Variants in STARD9 observed in about 807,000 individuals in gnomAD.
STARD9 encodes StAR related lipid transfer domain containing 9.
A neutral mutation model predicts 399.8 loss-of-function variants in STARD9; 346 were observed. The ratio of observed to expected loss-of-function variants is 0.87; its 90% CI spans 0.79 to 0.95. The LOEUF is 0.95. STARD9 is among the 40% of genes least tolerant of loss of function. STARD9 has a pLI of 0.00. For synonymous variants in STARD9, 2,203 were observed against 2,143.5 expected, an observed-to-expected ratio of 1.03 and a Z score of -0.77; for missense variants, 5,832 against 5,667.5, an observed-to-expected ratio of 1.03 and a Z score of -0.93.
intron 3 of STARD9, among the ~76,000 whole-genome samples, chr15:42,630,924 G>T (rs2059320256): frequency 6.8e-6 from 1 of 146,276 alleles, no homozygotes; most frequent in Admixed American, 6.8e-5. Context: ...ATTTATTTCT[G>T]CTCTAAGTTT....
At chr15:42,577,418 G>A (rs756126576) in intron 1 of STARD9, among the ~76,000 whole-genome samples, 39 of 152,204 alleles carry the variant, frequency 2.6e-4, no homozygotes, top group Non-Finnish European at 4.7e-4. Context: ...CTCCCAAAGT[G>A]CTAGGATTAG....
chr15:42,708,444 C>A (rs750928745), intron 26 of STARD9, among the ~76,000 whole-genome samples: 1 of 152,220 alleles, frequency 6.6e-6, no homozygotes, highest in Non-Finnish European at 1.5e-5. Context: ...TGCAGCTACT[C>A]AAATGGCCCA....
At chr15:42,600,854 TTTTC>T (rs1293909346) in intron 3 of STARD9, among the ~76,000 whole-genome samples, 17 of 150,208 alleles carry the variant, frequency 1.1e-4, no homozygotes, top group African/African-American at 4.2e-4. Context: ...ATATATCTGT[TTTTC>T]TTTCTTTTTT....
In STARD9 at chr15:42,691,841, C is replaced by A; in HGVS notation, c.10263C>A (p.Phe3421Leu). The A allele has an allele frequency of 5.9e-6, 9 of 1,537,310 alleles. No homozygotes were observed. Among genetic ancestry groups the A allele is most frequent in the Non-Finnish European group, 7.8e-6 (9 of 1,146,910 alleles). The change falls in exon 23 of 33, where the codon TTC becomes TTA. Residue 3421 changes from phenylalanine to leucine, a missense_variant. Physicochemically the swap from Phe to Leu is conservative, Grantham distance 22. Around this residue, in one of 2 missense-constraint regions of STARD9, gnomAD observed 5,828 missense variants for 5,651.1 expected, o/e 1.03. Coordinates refer to ENST00000290607, the MANE Select transcript of STARD9 (RefSeq NM_020759.3). ...TCTCACACATGCCAACCCCTGATTT[C>A]ACGACCAGCTGGATGTCTGGTACTT... is the stretch of plus-strand genomic sequence containing the variant. ...STLSHMPTPD[F>L]TTSWMSGTLE...
Position 42,588,776 on chromosome 15 carries a change from G to GTTTTTTTTT in STARD9, c.234+3170_234+3178dup, listed in dbSNP as rs758570571. ...TAACCCAGTTTATCCTCTTCACAGC[G>GTTTTTTTTT]TTTTTTTTTTTTTTTTTTTTTTTTT... On this transcript the variant is annotated intron_variant, in intron 3 of 32. Transcript: ENST00000290607. 1.0e-4 allele frequency among the ~76,000 whole-genome samples: 4 copies of GTTTTTTTTT among 38,414 alleles called. 1 individual carries two copies. Among genetic ancestry groups the GTTTTTTTTT allele is most frequent in the East Asian group, 2.1e-3 (2 of 972 alleles). The allele number at this position is 38,414 out of a possible 152,430, so 25.2% of individuals were successfully genotyped here. A position where few individuals can be genotyped will look rare whatever the true frequency, so the allele number is the denominator to read the frequency against.
intron 3 of STARD9, among the ~76,000 whole-genome samples, chr15:42,589,419 A>T (rs1402702865): frequency 1.3e-5 from 2 of 152,084 alleles, no homozygotes; most frequent in Non-Finnish European, 2.9e-5. Flanking sequence ...AATATACAAA[A>T]TAGTCTATCA....
Position 42,688,333 on chromosome 15 carries a change from T to C in STARD9, c.6755T>C (p.Phe2252Ser). 6.5e-7 allele frequency: 1 copy of C among 1,537,360 alleles called. No homozygotes were observed. The highest frequency in any genetic ancestry group is 8.7e-7 in the Non-Finnish European group (1 of 1,146,948). The change falls in exon 23 of 33, where the codon TTT (phenylalanine) becomes TCT (serine). Residue 2252 changes from phenylalanine to serine, a missense_variant. Phe to Ser is a radical substitution (Grantham distance 155). Around this residue, in one of 2 missense-constraint regions of STARD9, gnomAD observed 5,828 missense variants for 5,651.1 expected, o/e 1.03. Transcript: ENST00000290607. ...SLEELETVKG[F>S]QESQVAEHVS... ...GAGGAATTGGAGACTGTGAAAGGTT[T>C]TCAGGAAAGCCAAGTAGCTGAACAC...
Position 42,692,498 on chromosome 15 carries a change from G to A in STARD9, c.10920G>A (p.Gln3640=). The A allele has an allele frequency of 1.3e-6, 2 of 1,537,168 alleles. No individual in the cohort carries two copies. Among genetic ancestry groups the A allele is most frequent in the Non-Finnish European group, 8.7e-7 (1 of 1,146,904 alleles). ...VGQTRTNTFE[Q]GTQTLGSRRH... ...AGACCAGGACGAACACATTCGAACA[G>A]GGCACACAGACCCTCGGCAGCAGGC... Residue 3640 remains glutamine (Q), a synonymous_variant, in exon 23 of 33, where the codon CAG becomes CAA. Coordinates refer to ENST00000290607, the MANE Select transcript of STARD9 (RefSeq NM_020759.3).
rs1325710609 is a variant in STARD9, at chr15:42,681,497, T to TCAG, written c.1960_1962dup (p.Gln654dup). On this transcript the variant is annotated inframe_insertion, in exon 21 of 33. Coordinates refer to ENST00000290607, the MANE Select transcript of STARD9 (RefSeq NM_020759.3). ...GAGAGACATCCCACAGGGCCCAGATTCAGCAGCAGCAGAGCTACGTAGAGG... is the reference window on the plus strand; with the variant it reads ...GAGAGACATCCCACAGGGCCCAGATTCAGCAGCAGCAGCAGAGCTACGTAGAGG... 1.3e-6 allele frequency: 2 copies of TCAG among 1,537,076 alleles called. No homozygotes were observed. The highest frequency in any genetic ancestry group is 1.4e-5 in the African/African-American group (1 of 73,024).
chr15:42,648,868 C>G (rs565507049), intron 7 of STARD9, among the ~76,000 whole-genome samples: 1 of 151,934 alleles, frequency 6.6e-6, no homozygotes, highest in Admixed American at 6.6e-5. Context: ...TGCCTGTATA[C>G]TCTGTGAGTC....
At position 42,575,639 on chromosome 15, in the gene STARD9, G is replaced by T. The variant is rs1251307506; in HGVS notation, c.-77G>T. 37 of 1,477,028 alleles carry T rather than the reference G, an allele frequency of 2.5e-5. No individual in the cohort carries two copies. The South Asian group carries it at 3.1e-4, about 13-fold the overall frequency. The allele number at this position is 1,477,028 out of a possible 1,614,324, so 91.5% of individuals were successfully genotyped here. ...GTGGGGCGGGCGGGGCTGGGTTGGG[G>T]CTGTGTCTGGGCTTAGGGCGGGGGC... On this transcript the variant is annotated 5_prime_UTR_variant, in exon 1 of 33. Coordinates refer to ENST00000290607, the MANE Select transcript of STARD9 (RefSeq NM_020759.3).
intron 3 of STARD9, among the ~76,000 whole-genome samples, chr15:42,614,793 C>T (rs1164579063): frequency 1.3e-5 from 2 of 151,858 alleles, no homozygotes; most frequent in Admixed American, 6.6e-5. Flanking sequence ...GGTGAAACCC[C>T]GTCTCTACTA....
chr15:42,704,778 T>G (rs1002682384), intron 26 of STARD9, among the ~76,000 whole-genome samples: 1 of 152,112 alleles, frequency 6.6e-6, no homozygotes, highest in Non-Finnish European at 1.5e-5. Context: ...CATAATTCGG[T>G]CTCCTTCCCT....
Position 42,695,336 on chromosome 15 carries a change from G to A in STARD9, c.13146+13G>A. On this transcript the variant is annotated intron_variant, in intron 25 of 32. Transcript: ENST00000290607. ...CCAGCTATTGAAGGTGTGGAGTGGG[G>A]CATGCCTCTGATTTCAGGATAGGCC... 1 of 1,519,160 alleles carries A rather than the reference G, an allele frequency of 6.6e-7. No individual in the cohort carries two copies. Among genetic ancestry groups the A allele is most frequent in the Non-Finnish European group, 8.8e-7 (1 of 1,135,378 alleles). The allele number at this position is 1,519,160 out of a possible 1,614,324, so 94.1% of individuals were successfully genotyped here. A position where few individuals can be genotyped will look rare whatever the true frequency, so the allele number is the denominator to read the frequency against.
At chr15:42,626,285 C>T (rs1013421141) in intron 3 of STARD9, among the ~76,000 whole-genome samples, 57 of 136,888 alleles carry the variant, frequency 4.2e-4, no homozygotes, top group African/African-American at 1.7e-3. Context: ...CCTCTTCCTC[C>T]TCTTCCTCTT....
chr15:42,694,654 G>A lies in STARD9; in HGVS notation c.12891G>A (p.Trp4297Ter). 1.3e-6 allele frequency: 2 copies of A among 1,537,192 alleles called. No homozygotes were observed. Among genetic ancestry groups the A allele is most frequent in the East Asian group, 2.4e-5 (1 of 40,912 alleles). The change falls in exon 24 of 33, where the codon TGG becomes TGA. Residue 4297 changes from tryptophan to a stop codon, truncating the protein, a stop_gained. Transcript: ENST00000290607. LOFTEE classifies it high-confidence loss of function. ...SLLPNKDLFI[W>*]DLDLPSRRRE... is the part of the protein sequence containing the mutation. ...TGCCCAACAAAGATCTCTTCATCTG[G>A]GATCTTGACTTGCCCAGCAGACGCC...
chr15:42,672,259 G>A (rs2060217480), intron 16 of STARD9: 1 of 152,248 alleles, frequency 6.6e-6, no homozygotes, highest in African/African-American at 2.4e-5. Flanking sequence ...TGTCTTGGGT[G>A]GGAAGAGGAC....
intron 3 of STARD9, among the ~76,000 whole-genome samples, chr15:42,632,283 G>A (rs2059347116): frequency 6.6e-6 from 1 of 151,200 alleles, no homozygotes. Flanking sequence ...CATTTGCATG[G>A]GTTATCTTTT....
At chr15:42,621,448 A>C (rs763817480) in intron 3 of STARD9, among the ~76,000 whole-genome samples, 3 of 152,242 alleles carry the variant, frequency 2.0e-5, no homozygotes, top group Non-Finnish European at 4.4e-5. Context: ...TGAGCAAAGA[A>C]GAATTTACAA....
Sources: allele counts gnomAD v4.1 joint callset (sites outside exome capture counted in the v4.1 genomes callset), GRCh38; gene constraint gnomAD v4.1.1; regional missense constraint gnomAD v4.1.1; transcripts MANE v1.5; gene names NCBI Gene and HGNC (gene_info 2026-07-23, HGNC 2026-07-21).